The following ATP9B variants were observed in gnomAD, a reference collection of about 807,000 sequenced individuals.
ATP9B encodes the protein ATPase phospholipid transporting 9B, also known as probable phospholipid-transporting ATPase IIB.
ATP9B carries 110 observed loss-of-function variants against 146.1 expected under a neutral mutation model. The ratio of observed to expected loss-of-function variants is 0.75; its 90% CI spans 0.65 to 0.88. ATP9B has a LOEUF of 0.88. ATP9B is among the 40% of genes least tolerant of loss of function. ATP9B has a pLI of 0.00. For synonymous variants in ATP9B, 604 were observed against 569.7 expected, an observed-to-expected ratio of 1.06 and a Z score of -0.86; for missense variants, 1,499 against 1,496.4, an observed-to-expected ratio of 1.00 and a Z score of -0.03.
intron 11 of ATP9B, among the ~76,000 whole-genome samples, chr18:79,238,389 G>A (rs1215028208): frequency 3.3e-5 from 5 of 152,172 alleles, no homozygotes; most frequent in African/African-American, 2.4e-5. Context: ...TCACGTCTCC[G>A]GTGCAGGCCA....
intron 5 of ATP9B, among the ~76,000 whole-genome samples, chr18:79,130,696 AAGC>A (rs1286240359): frequency 6.6e-6 from 1 of 152,136 alleles, no homozygotes; most frequent in Non-Finnish European, 1.5e-5. Context: ...GACACCCTGA[AAGC>A]AGAGAGAGAG....
chr18:79,264,117 G>A (rs2096176085), intron 12 of ATP9B, among the ~76,000 whole-genome samples: 2 of 152,066 alleles, frequency 1.3e-5, no homozygotes, highest in African/African-American at 2.4e-5. Context: ...AACATATCTA[G>A]GAGCAGCACT....
chr18:79,313,066 T>C (rs1300477744), intron 15 of ATP9B, among the ~76,000 whole-genome samples: 1 of 152,236 alleles, frequency 6.6e-6, no homozygotes, highest in African/African-American at 2.4e-5. Context: ...TGGGCACGAT[T>C]GTTAAGCTTC....
At chr18:79,310,462 C>G (rs1283017273) in intron 15 of ATP9B, among the ~76,000 whole-genome samples, 1 of 152,206 alleles carries the variant, frequency 6.6e-6, no homozygotes, top group African/African-American at 2.4e-5. Context: ...GGCTGCAGAG[C>G]TGACCAAGGG....
At chr18:79,168,898 ATTC>A (rs1383979601) in intron 7 of ATP9B, among the ~76,000 whole-genome samples, 1 of 151,976 alleles carries the variant, frequency 6.6e-6, no homozygotes, top group Non-Finnish European at 1.5e-5. Flanking sequence ...TCCATGCCTC[ATTC>A]TTCTCCTTGC....
intron 19 of ATP9B, among the ~76,000 whole-genome samples, chr18:79,338,929 TAA>T: frequency 6.6e-6 from 1 of 152,296 alleles, no homozygotes; most frequent in South Asian, 2.1e-4. Context: ...CAACTTCAGT[TAA>T]AAAATACATC....
chr18:79,148,364 A>C (rs1187234848), intron 6 of ATP9B, among the ~76,000 whole-genome samples: 1 of 152,240 alleles, frequency 6.6e-6, no homozygotes, highest in African/African-American at 2.4e-5. Context: ...ACTGCAGCCC[A>C]GTTGGTATCA....
intron 7 of ATP9B, among the ~76,000 whole-genome samples, chr18:79,158,090 A>T (rs775360130): frequency 2.6e-5 from 4 of 151,902 alleles, no homozygotes; most frequent in Non-Finnish European, 5.9e-5. Flanking sequence ...TTTAAGGTGG[A>T]AAGTTAGATT....
chr18:79,188,616 T>C (rs1437103692), intron 8 of ATP9B, among the ~76,000 whole-genome samples: 3 of 152,234 alleles, frequency 2.0e-5, no homozygotes, highest in Admixed American at 2.0e-4. Flanking sequence ...ATTACCTCTA[T>C]TCTCCCATTT....
chr18:79,302,010 A>G (rs1468881171), intron 13 of ATP9B, among the ~76,000 whole-genome samples: 1 of 152,210 alleles, frequency 6.6e-6, no homozygotes, highest in Non-Finnish European at 1.5e-5. Flanking sequence ...ACGCACTTAG[A>G]GGGTACCATA....
chr18:79,249,272 G>A (rs901816811), intron 11 of ATP9B, among the ~76,000 whole-genome samples: 2 of 152,124 alleles, frequency 1.3e-5, no homozygotes, highest in African/African-American at 4.8e-5. Flanking sequence ...GGCAATTATT[G>A]TGTTCATTAT....
intron 7 of ATP9B, among the ~76,000 whole-genome samples, chr18:79,169,444 T>G (rs1451627133): frequency 6.6e-6 from 1 of 152,182 alleles, no homozygotes; most frequent in Non-Finnish European, 1.5e-5. Context: ...GTGTCACCTG[T>G]GTTGAGGAAG....
At chr18:79,083,916 G>C (rs2073537058) in intron 1 of ATP9B, among the ~76,000 whole-genome samples, 1 of 149,032 alleles carries the variant, frequency 6.7e-6, no homozygotes, top group Admixed American at 6.7e-5. Flanking sequence ...AGGCTGGAGT[G>C]CAGTGGCGCC....
intron 15 of ATP9B, among the ~76,000 whole-genome samples, chr18:79,309,551 C>T (rs8084147): frequency 3.4e-4 from 39 of 115,658 alleles, no homozygotes; most frequent in African/African-American, 1.3e-3. Flanking sequence ...TGGAGTGATC[C>T]CCAGCAGGTA....
intron 25 of ATP9B, among the ~76,000 whole-genome samples, chr18:79,350,976 GA>G (rs1411850032): frequency 2.0e-5 from 3 of 152,086 alleles, no homozygotes; most frequent in African/African-American, 4.8e-5. Context: ...TTGCCATGTT[GA>G]CCAGGGTGGT....
chr18:79,237,259 A>G (rs1331835523), intron 11 of ATP9B, among the ~76,000 whole-genome samples: 4 of 143,420 alleles, frequency 2.8e-5, no homozygotes, highest in African/African-American at 1.1e-4. Context: ...TGCACGAGTC[A>G]GTGTCCACAC....
chr18:79,126,404 C>G, intron 5 of ATP9B, 29 bp downstream of exon 5: 1 of 1,455,320 alleles, frequency 6.9e-7, no homozygotes, highest in Non-Finnish European at 9.6e-7. Context: ...TCCTGCTTAG[C>G]GTTTGCTTAC....
At chr18:79,175,932 G>A (rs897915566) in intron 7 of ATP9B, among the ~76,000 whole-genome samples, 10 of 152,148 alleles carry the variant, frequency 6.6e-5, no homozygotes, top group Admixed American at 2.6e-4. Context: ...CTGTATGGAC[G>A]TATACAAATT....
At chr18:79,218,609 C>CT (rs2148463424) in intron 11 of ATP9B, among the ~76,000 whole-genome samples, 1 of 152,240 alleles carries the variant, frequency 6.6e-6, no homozygotes, top group South Asian at 2.1e-4. Flanking sequence ...CCGGCACTGA[C>CT]TGGCAGCTCC....
Sources: gnomAD v4.1 joint callset for allele counts (sites outside exome capture counted in the v4.1 genomes callset) on GRCh38, gnomAD v4.1.1 for gene constraint, MANE v1.5 for transcripts, NCBI Gene and HGNC (gene_info 2026-07-23, HGNC 2026-07-21) for gene names.